The following NELL1 variants were observed in gnomAD, a reference collection of about 807,000 sequenced individuals.
NELL1 encodes the protein neural EGFL like 1, also known as protein kinase C-binding protein NELL1.
A neutral mutation model predicts 107.4 loss-of-function variants in NELL1; 76 were observed. That is an observed-to-expected ratio of 0.71 (90% confidence interval 0.59 to 0.86). The LOEUF (loss-of-function observed/expected upper bound fraction) is 0.86, where lower values mean the gene tolerates loss of function less well. NELL1 is among the 40% of genes least tolerant of loss of function. The probability of loss-of-function intolerance (pLI) is 0.00; values close to 1 mark genes in which losing one functional copy is unlikely to be tolerated. For missense variants in NELL1, 1,024 were observed against 1,005.5 expected (o/e 1.02, Z -0.25); for synonymous variants, 353 against 341.2 (o/e 1.03, Z -0.38).
intron 12 of NELL1, among the ~76,000 whole-genome samples, chr11:21,086,497 G>A (rs1854395094): frequency 6.6e-6 from 1 of 152,012 alleles, no homozygotes; most frequent in Non-Finnish European, 1.5e-5. Context: ...ATAAAATTTG[G>A]GCTGAGTCTG....
At chr11:21,562,001 T>G (rs1055491871) in intron 17 of NELL1, among the ~76,000 whole-genome samples, 1 of 152,006 alleles carries the variant, frequency 6.6e-6, no homozygotes, top group African/African-American at 2.4e-5. Flanking sequence ...TTCAAGAAAC[T>G]ATTGTGTTAT....
intron 3 of NELL1, among the ~76,000 whole-genome samples, chr11:20,797,565 CAA>C (rs35016707): frequency 1.8e-3 from 124 of 69,284 alleles, no homozygotes; most frequent in African/African-American, 6.7e-3. Flanking sequence ...GACTCCATCT[CAA>C]AAAAAAAAAA....
At chr11:21,279,482 C>G (rs367967491) in intron 14 of NELL1, among the ~76,000 whole-genome samples, 16 of 152,112 alleles carry the variant, frequency 1.1e-4, no homozygotes, top group African/African-American at 3.9e-4. Flanking sequence ...CACTAGGTAG[C>G]TAATAAACAT....
At chr11:20,734,776 C>G (rs1357612965) in intron 2 of NELL1, among the ~76,000 whole-genome samples, 5 of 152,096 alleles carry the variant, frequency 3.3e-5, no homozygotes, top group Non-Finnish European at 7.4e-5. Flanking sequence ...AGTTCATCAG[C>G]ACAAGTGTGA....
chr11:21,335,462 A>G (rs186766013), intron 14 of NELL1, among the ~76,000 whole-genome samples: 4 of 152,208 alleles, frequency 2.6e-5, no homozygotes, highest in Admixed American at 6.6e-5. Context: ...AGGAATTGTC[A>G]ATAATAATCG....
chr11:21,020,334 G>T (rs1045940229), intron 12 of NELL1, among the ~76,000 whole-genome samples: 2 of 152,016 alleles, frequency 1.3e-5, no homozygotes, highest in East Asian at 3.9e-4. Context: ...CAGACACAGC[G>T]TTGAGCAGTG....
chr11:20,985,591 C>G (rs939506709), intron 12 of NELL1, among the ~76,000 whole-genome samples: 10 of 152,124 alleles, frequency 6.6e-5, no homozygotes, highest in Non-Finnish European at 4.4e-5. Context: ...GAGGGCATCT[C>G]TCAGAGAATG....
chr11:21,324,292 CT>C (rs1850079413), intron 14 of NELL1, among the ~76,000 whole-genome samples: 1 of 152,004 alleles, frequency 6.6e-6, no homozygotes, highest in African/African-American at 2.4e-5. Flanking sequence ...GCTTTTGACT[CT>C]ATTTTATTTT....
At chr11:20,805,395 G>C (rs1857361382) in intron 3 of NELL1, among the ~76,000 whole-genome samples, 1 of 151,040 alleles carries the variant, frequency 6.6e-6, no homozygotes, top group Admixed American at 6.6e-5. Flanking sequence ...TTTTTTTCCT[G>C]TCTTCCTTTT....
At chr11:21,404,820 G>T (rs112367556) in intron 15 of NELL1, among the ~76,000 whole-genome samples, 3 of 152,074 alleles carry the variant, frequency 2.0e-5, no homozygotes, top group African/African-American at 7.2e-5. Context: ...CTGTACCTAG[G>T]TCTCCTGAAT....
chr11:21,573,341 G>T lies in NELL1; in HGVS notation c.2314G>T (p.Gly772Cys). The T allele has an allele frequency of 6.2e-7, 1 of 1,612,454 alleles. No individual in the cohort carries two copies. Among genetic ancestry groups the T allele is most frequent in the Non-Finnish European group, 8.5e-7 (1 of 1,178,986 alleles). ...CAGAAAAACTTGCCTGGACAGCTAT[G>T]GTGTTTCACGGCTTAGTGGCTCAGT... Reference protein sequence around the residue: ...DIRKTCLDSYGVSRLSGSVWT... With the variant: ...DIRKTCLDSYCVSRLSGSVWT... Residue 772 changes from glycine to cysteine, a missense_variant, in exon 19 of 20, where the codon GGT becomes TGT. Coordinates refer to ENST00000357134, the MANE Select transcript of NELL1 (RefSeq NM_006157.5).
At chr11:20,963,877 C>T (rs747973229) in intron 12 of NELL1, among the ~76,000 whole-genome samples, 2 of 152,134 alleles carry the variant, frequency 1.3e-5, no homozygotes, top group African/African-American at 4.8e-5. Flanking sequence ...TGTTCAGGCT[C>T]TCAGTGGAAA....
At chr11:21,058,635 C>G (rs979734104) in intron 12 of NELL1, among the ~76,000 whole-genome samples, 1 of 152,128 alleles carries the variant, frequency 6.6e-6, no homozygotes, top group Non-Finnish European at 1.5e-5. Flanking sequence ...GGGTGATCTT[C>G]TAGATCTAAC....
chr11:21,522,228 C>T lies in NELL1; in HGVS notation c.1646-12146C>T, dbSNP rs534733993. ...CAGCCTGGGTGACAGAGAGAGACTC[C>T]GTCTCAAAAAAAAAAAAAACAAACA... On this transcript the variant is annotated intron_variant, in intron 15 of 19. Coordinates refer to ENST00000357134, the MANE Select transcript of NELL1 (RefSeq NM_006157.5). 2.0e-4 allele frequency among the ~76,000 whole-genome samples: 25 copies of T among 123,172 alleles called. No individual in the cohort carries two copies. The South Asian group carries it at 5.7e-3, about 28-fold the overall frequency. 80.8% of individuals were successfully genotyped at this position (123,172 alleles called of 152,430 possible).
At chr11:21,398,429 C>A (rs1852027469) in intron 15 of NELL1, among the ~76,000 whole-genome samples, 1 of 151,656 alleles carries the variant, frequency 6.6e-6, no homozygotes, top group Non-Finnish European at 1.5e-5. Flanking sequence ...GTGCATGAGT[C>A]CAGCTTTATA....
intron 12 of NELL1, among the ~76,000 whole-genome samples, chr11:21,003,762 G>A (rs867443453): frequency 5.3e-5 from 8 of 151,968 alleles, no homozygotes; most frequent in Non-Finnish European, 1.0e-4. Flanking sequence ...GAGCACTAAT[G>A]CTAGATTACC....
chr11:21,495,619 C>A (rs1011324920), intron 15 of NELL1, among the ~76,000 whole-genome samples: 2 of 152,066 alleles, frequency 1.3e-5, no homozygotes, highest in African/African-American at 4.8e-5. Context: ...TTTTACACGC[C>A]CACCAGCAAT....
chr11:21,006,352 G>A (rs1339517634), intron 12 of NELL1, among the ~76,000 whole-genome samples: 1 of 152,068 alleles, frequency 6.6e-6, no homozygotes, highest in African/African-American at 2.4e-5. Flanking sequence ...ACGTTATAAT[G>A]CAGTAATGCT....
chr11:21,046,530 T>C (rs1005237605), intron 12 of NELL1, among the ~76,000 whole-genome samples: 9 of 152,136 alleles, frequency 5.9e-5, no homozygotes, highest in African/African-American at 2.2e-4. Flanking sequence ...AAATTTATGT[T>C]ATGTCCGACT....
Sources: allele counts gnomAD v4.1 joint callset (sites outside exome capture counted in the v4.1 genomes callset), GRCh38; gene constraint gnomAD v4.1.1; transcripts MANE v1.5; gene names NCBI Gene and HGNC (gene_info 2026-07-23, HGNC 2026-07-21).